SUSD1: variants seen among roughly 807,000 people sequenced by gnomAD.
The protein encoded by SUSD1 is sushi domain containing 1, also known as sushi domain-containing protein 1.
SUSD1 carries 65 observed loss-of-function variants against 86.9 expected under a neutral mutation model. The observed-to-expected ratio is 0.75, with a 90% CI of 0.61 to 0.92. SUSD1 has a LOEUF of 0.92. Among genes scored for constraint, SUSD1 ranks in the 40% least tolerant of loss-of-function variants. The pLI is 0.00. For synonymous variants in SUSD1, 346 were observed against 350.0 expected, an observed-to-expected ratio of 0.99 and a Z score of 0.13; for missense variants, 850 against 929.7, an observed-to-expected ratio of 0.91 and a Z score of 1.11.
At chr9:112,093,685 A>G (rs1331674356) in intron 10 of SUSD1, among the ~76,000 whole-genome samples, 1 of 152,172 alleles carries the variant, frequency 6.6e-6, no homozygotes, top group Non-Finnish European at 1.5e-5. Flanking sequence ...TGGAAAGGAG[A>G]GGTAAGATTC....
intron 1 of SUSD1, among the ~76,000 whole-genome samples, 200 bp downstream of exon 1, chr9:112,174,933 G>A (rs1834207059): frequency 6.6e-6 from 1 of 151,672 alleles, no homozygotes; most frequent in East Asian, 1.9e-4. Context: ...CGGGGGCAGG[G>A]AAGCCCGGCG....
intron 1 of SUSD1, among the ~76,000 whole-genome samples, chr9:112,159,088 T>C (rs948631728): frequency 6.6e-6 from 1 of 152,076 alleles, no homozygotes; most frequent in African/African-American, 2.4e-5. Context: ...ATCCCAATTA[T>C]TGAAATAAAC....
At chr9:112,053,513 CAA>C (rs56987871) in intron 14 of SUSD1, among the ~76,000 whole-genome samples, 949 of 77,552 alleles carry the variant, frequency 0.012, no homozygotes, top group Non-Finnish European at 0.016. Flanking sequence ...GACTTCGTCT[CAA>C]AAAAAAAAAA....
chr9:112,165,914 G>GA (rs1159086877), intron 1 of SUSD1, among the ~76,000 whole-genome samples: 2 of 73,144 alleles, frequency 2.7e-5, no homozygotes, highest in African/African-American at 1.3e-4. Context: ...AGGAAGGAAG[G>GA]AAGAAAGAAA....
chr9:112,052,642 C>A (rs1486728748), intron 14 of SUSD1, among the ~76,000 whole-genome samples: 1 of 152,116 alleles, frequency 6.6e-6, no homozygotes, highest in East Asian at 1.9e-4. Flanking sequence ...ACAGAAGTGA[C>A]CCTACAGATC....
At chr9:112,091,700 T>C (rs1043728065) in intron 10 of SUSD1, among the ~76,000 whole-genome samples, 5 of 152,246 alleles carry the variant, frequency 3.3e-5, no homozygotes, top group African/African-American at 1.2e-4. Flanking sequence ...AAGTTACTAT[T>C]GTATAACTGC....
intron 12 of SUSD1, among the ~76,000 whole-genome samples, chr9:112,065,873 CAG>C (rs1348976770): frequency 4.6e-5 from 7 of 152,314 alleles, no homozygotes; most frequent in Non-Finnish European, 1.0e-4. Flanking sequence ...GAGAATAAAA[CAG>C]TGCCTGGAAC....
intron 5 of SUSD1, among the ~76,000 whole-genome samples, chr9:112,130,164 G>A (rs772298980): frequency 1.3e-5 from 2 of 152,032 alleles, no homozygotes; most frequent in Non-Finnish European, 2.9e-5. Flanking sequence ...CTTCAGCCCA[G>A]GAGTTCAAGA....
intron 5 of SUSD1, among the ~76,000 whole-genome samples, chr9:112,135,631 A>G (rs1019583713): frequency 1.3e-5 from 2 of 152,250 alleles, no homozygotes; most frequent in Non-Finnish European, 2.9e-5. Context: ...GAATGTCTGA[A>G]TGGAAAATAA....
At chr9:112,168,559 A>G (rs1429991405) in intron 1 of SUSD1, among the ~76,000 whole-genome samples, 1 of 152,208 alleles carries the variant, frequency 6.6e-6, no homozygotes, top group Non-Finnish European at 1.5e-5. Flanking sequence ...CTTTACTTCA[A>G]TACACGAGCA....
intron 3 of SUSD1, among the ~76,000 whole-genome samples, chr9:112,147,168 C>T (rs537079517): frequency 5.3e-5 from 8 of 152,284 alleles, no homozygotes; most frequent in African/African-American, 9.6e-5. Context: ...CTGAAATTAG[C>T]TGTCTGCTCG....
chr9:112,174,787 C>T (rs1235641032), intron 1 of SUSD1, among the ~76,000 whole-genome samples: 2 of 152,120 alleles, frequency 1.3e-5, no homozygotes, highest in Non-Finnish European at 2.9e-5. Context: ...CTGGCCTCCC[C>T]GCCCTTCCCC....
chr9:112,103,999 C>T (rs1830730116), intron 8 of SUSD1, among the ~76,000 whole-genome samples: 1 of 152,076 alleles, frequency 6.6e-6, no homozygotes, highest in Non-Finnish European at 1.5e-5. Flanking sequence ...AGTAATGCTT[C>T]AACGTCTGTA....
chr9:112,133,811 T>C (rs916159090), intron 5 of SUSD1, among the ~76,000 whole-genome samples: 5 of 152,178 alleles, frequency 3.3e-5, no homozygotes, highest in Non-Finnish European at 7.3e-5. Flanking sequence ...ATTTACAACC[T>C]ATGCATCTGA....
rs1773430048 is a variant in SUSD1 at position 112,149,241 on chromosome 9, T to C, written c.373+3A>G. 1.9e-6 allele frequency: 3 copies of C among 1,614,100 alleles called. No homozygotes were observed. The highest frequency in any genetic ancestry group is 1.7e-6 in the Non-Finnish European group (2 of 1,179,980). On this transcript the variant is annotated splice_donor_region_variant and intron_variant, in intron 3 of 16. Coordinates refer to ENST00000374270, the MANE Select transcript of SUSD1 (RefSeq NM_022486.5). ...TCAACACCGCAGCCCCCTTCTTGAG[T>C]ACCTGTACAAAAGGTGCCATCGTTG... is the stretch of plus-strand genomic sequence containing the variant.
chr9:112,090,511 A>C (rs1028117744), intron 10 of SUSD1, among the ~76,000 whole-genome samples: 2 of 152,192 alleles, frequency 1.3e-5, no homozygotes, highest in Non-Finnish European at 2.9e-5. Context: ...AATTATTTTT[A>C]TGAAGAAAGG....
At chr9:112,043,811 T>G (rs147195421) in intron 15 of SUSD1, among the ~76,000 whole-genome samples, 2 of 152,222 alleles carry the variant, frequency 1.3e-5, no homozygotes, top group African/African-American at 2.4e-5. Flanking sequence ...TATTTATTAT[T>G]ATTTTTTGAG....
At chr9:112,142,254 A>T in intron 5 of SUSD1, 66 bp downstream of exon 5, 1 of 1,324,026 alleles carries the variant, frequency 7.6e-7, no homozygotes, top group Non-Finnish European at 1.0e-6. Context: ...ACTGAAATTT[A>T]GAGAAAAATA....
intron 6 of SUSD1, among the ~76,000 whole-genome samples, chr9:112,122,373 T>C (rs1831590424): frequency 6.6e-6 from 1 of 152,184 alleles, no homozygotes; most frequent in African/African-American, 2.4e-5. Flanking sequence ...TCACCCAGGC[T>C]GGTCTTGAAC....
Sources: allele counts gnomAD v4.1 joint callset (sites outside exome capture counted in the v4.1 genomes callset), GRCh38; gene constraint gnomAD v4.1.1; transcripts MANE v1.5; gene names NCBI Gene and HGNC (gene_info 2026-07-23, HGNC 2026-07-21).